Variants in STARD13 observed in about 807,000 individuals in gnomAD.
STARD13 encodes the protein StAR related lipid transfer domain containing 13.
In STARD13, 62 loss-of-function variants were observed where a neutral mutation model predicts 106.4. The ratio of observed to expected loss-of-function variants is 0.58; its 90% CI spans 0.48 to 0.72. STARD13 has a LOEUF of 0.72. STARD13 is among the 30% of genes least tolerant of loss of function. The probability of loss-of-function intolerance (pLI) is 0.00; values close to 1 mark genes in which losing one functional copy is unlikely to be tolerated. For missense variants in STARD13, 1,387 were observed against 1,424.0 expected (o/e 0.97, Z 0.42); for synonymous variants, 565 against 553.0 (o/e 1.02, Z -0.31).
intron 2 of STARD13, among the ~76,000 whole-genome samples, chr13:33,166,132 T>A (rs1883288165): frequency 1.3e-5 from 2 of 152,140 alleles, no homozygotes; most frequent in African/African-American, 4.8e-5. Flanking sequence ...CTTTATCTCA[T>A]CTTGTATTTT....
chr13:33,277,987 C>T (rs930351358), intron 1 of STARD13, among the ~76,000 whole-genome samples: 4 of 152,146 alleles, frequency 2.6e-5, no homozygotes, highest in Non-Finnish European at 5.9e-5. Context: ...CAAAACACAA[C>T]TTCAAAGTAT....
At position 33,338,899 on chromosome 13, in the gene STARD13, AAAAAAAG is replaced by A. The variant is rs1461629812; in HGVS notation, c.124+11384_124+11390del. The stretch of plus-strand genomic sequence containing the variant: ...GACTCCGTCTCAAAAAAAAAAAAAA[AAAAAAAG>A]AAAGAAAGATACAGGAACAAAGCAT... On this transcript the variant is annotated intron_variant, in intron 1 of 5. Transcript: ENST00000567873. Among the ~76,000 whole-genome samples, 760 of 142,088 alleles carry A rather than the reference AAAAAAAG, an allele frequency of 5.3e-3. 2 individuals carry two copies. Among genetic ancestry groups the A allele is most frequent in the African/African-American group, 7.0e-3 (276 of 39,446 alleles). The allele number at this position is 142,088 out of a possible 152,430, so 93.2% of individuals were successfully genotyped here.
chr13:33,650,370 T>G, the STARD13 span, among the ~76,000 whole-genome samples: 1 of 150,528 alleles, frequency 6.6e-6, no homozygotes, highest in Non-Finnish European at 1.5e-5. Flanking sequence ...TTTTGTATTT[T>G]TAGTAGAGAC....
At chr13:33,607,532 G>C in the STARD13 span, among the ~76,000 whole-genome samples, 7 of 152,076 alleles carry the variant, frequency 4.6e-5, no homozygotes, top group East Asian at 1.4e-3. Context: ...TCCTGACCTG[G>C]TGATCCGCCT....
chr13:33,584,551 A>G, the STARD13 span, among the ~76,000 whole-genome samples: 15 of 152,008 alleles, frequency 9.9e-5, no homozygotes, highest in Non-Finnish European at 1.8e-4. Context: ...TCATTTCCAC[A>G]TGAGATTTGG....
chr13:33,601,206 A>T, the STARD13 span, among the ~76,000 whole-genome samples: 2,423 of 151,628 alleles, frequency 0.016, 51 homozygotes, highest in East Asian at 0.05. Context: ...GTTTCAAAAA[A>T]TGTTTTTGTT....
intron 13 of STARD13, 29 bp downstream of exon 13, chr13:33,106,729 A>G (rs1431790939): frequency 6.4e-7 from 1 of 1,573,002 alleles, no homozygotes; most frequent in Non-Finnish European, 8.7e-7. Context: ...CCAAGATCTG[A>G]GCCTGCCATT....
chr13:33,233,717 A>T (rs1201145539), intron 1 of STARD13, among the ~76,000 whole-genome samples: 3 of 152,052 alleles, frequency 2.0e-5, no homozygotes, highest in Non-Finnish European at 4.4e-5. Flanking sequence ...CTGTTAATAC[A>T]AGTCTGCAGA....
chr13:33,538,402 A>G, the STARD13 span, among the ~76,000 whole-genome samples: 1 of 152,314 alleles, frequency 6.6e-6, no homozygotes, highest in African/African-American at 2.4e-5. Context: ...AGGGCCCACG[A>G]AAGAGGGAAG....
At chr13:33,132,588 C>G (rs558330613) in intron 4 of STARD13, among the ~76,000 whole-genome samples, 2 of 152,214 alleles carry the variant, frequency 1.3e-5, no homozygotes, top group South Asian at 2.1e-4. Flanking sequence ...CAGTGGCTCA[C>G]GCCTGTAATC....
chr13:33,341,243 G>T (rs2077955702), intron 1 of STARD13, among the ~76,000 whole-genome samples: 1 of 152,134 alleles, frequency 6.6e-6, no homozygotes. Flanking sequence ...GATGTAAAAA[G>T]CACAAAAGAG....
intron 1 of STARD13, among the ~76,000 whole-genome samples, chr13:33,302,871 A>G (rs1244328675): frequency 6.6e-6 from 1 of 152,196 alleles, no homozygotes; most frequent in Non-Finnish European, 1.5e-5. Context: ...TCCTTCTACA[A>G]TATCATTCTG....
At chr13:33,541,009 G>C in the STARD13 span, among the ~76,000 whole-genome samples, 1 of 152,106 alleles carries the variant, frequency 6.6e-6, no homozygotes, top group African/African-American at 2.4e-5. Context: ...TAAGAGTTGA[G>C]GATATTTGCA....
At chr13:33,240,435 A>G (rs60635336) in intron 1 of STARD13, among the ~76,000 whole-genome samples, 2,361 of 152,168 alleles carry the variant, frequency 0.016, 55 homozygotes, top group African/African-American at 0.051. Context: ...TCCCATTGGG[A>G]TTTTGATAGG....
At chr13:33,449,024 A>G in the STARD13 span, among the ~76,000 whole-genome samples, 1 of 150,660 alleles carries the variant, frequency 6.6e-6, no homozygotes, top group South Asian at 2.1e-4. Flanking sequence ...ATATTCTCTC[A>G]CTCTGCATGC....
the STARD13 span, among the ~76,000 whole-genome samples, chr13:33,566,947 G>A: frequency 1.4e-5 from 2 of 148,044 alleles, 1 homozygote; most frequent in African/African-American, 5.0e-5. Flanking sequence ...CTTCTTTCCA[G>A]TTGTCTAATT....
chr13:33,472,563 C>G, the STARD13 span, among the ~76,000 whole-genome samples: 1 of 151,842 alleles, frequency 6.6e-6, no homozygotes, highest in Non-Finnish European at 1.5e-5. Flanking sequence ...TATCTCCAGA[C>G]AGTGCCAGTT....
At chr13:33,528,212 A>AGG in the STARD13 span, among the ~76,000 whole-genome samples, 1 of 126,096 alleles carries the variant, frequency 7.9e-6, no homozygotes, top group Non-Finnish European at 1.6e-5. Flanking sequence ...ATACAGATAC[A>AGG]TGTGTGTGTG....
At chr13:33,538,768 T>C in the STARD13 span, among the ~76,000 whole-genome samples, 1 of 150,820 alleles carries the variant, frequency 6.6e-6, no homozygotes, top group African/African-American at 2.4e-5. Flanking sequence ...CACAAACTAT[T>C]TAATTTTTTT....
Sources: allele counts gnomAD v4.1 joint callset (sites outside exome capture counted in the v4.1 genomes callset), GRCh38; gene constraint gnomAD v4.1.1; transcripts MANE v1.5; gene names NCBI Gene and HGNC (gene_info 2026-07-23, HGNC 2026-07-21).